PDE11A: variants seen among roughly 807,000 people sequenced by gnomAD.
The protein encoded by PDE11A is phosphodiesterase 11A, also known as dual 3',5'-cyclic-AMP and -GMP phosphodiesterase 11A.
In PDE11A, 100 loss-of-function variants were observed where a neutral mutation model predicts 100.5. The ratio of observed to expected loss-of-function variants is 1.00; its 90% confidence interval spans 0.85 to 1.18. The LOEUF (loss-of-function observed/expected upper bound fraction) is 1.18, where lower values mean the gene tolerates loss of function less well. PDE11A is among the 50% of genes most tolerant of loss of function. PDE11A has a pLI of 0.00. For missense variants in PDE11A, 1,141 were observed against 1,152.6 expected, an observed-to-expected ratio of 0.99 and a Z score of 0.15; for synonymous variants, 381 against 420.8, an observed-to-expected ratio of 0.91 and a Z score of 1.16.
At chr2:177,693,717 G>T (rs534869675) in intron 15 of PDE11A, among the ~76,000 whole-genome samples, 1 of 152,140 alleles carries the variant, frequency 6.6e-6, no homozygotes, top group Non-Finnish European at 1.5e-5. Context: ...AGGGAAGCAT[G>T]GTGATTGAAG....
chr2:177,657,671 G>C (rs959683092), intron 19 of PDE11A, among the ~76,000 whole-genome samples: 2 of 151,778 alleles, frequency 1.3e-5, no homozygotes, highest in Non-Finnish European at 2.9e-5. Context: ...AAGAGAGAGG[G>C]GAGAGAAAGC....
intron 1 of PDE11A, among the ~76,000 whole-genome samples, chr2:178,035,225 A>C (rs1353270907): frequency 6.6e-6 from 1 of 152,212 alleles, no homozygotes; most frequent in African/African-American, 2.4e-5. Flanking sequence ...AATACAAACT[A>C]CCATCAGAGA....
Position 177,973,109 on chromosome 2 carries a change from C to G in PDE11A, c.1071+41193G>C, listed in dbSNP as rs2085793617. ...TCAAGATGGCCGAATAGGAACAGCT[C>G]CGGTCTACAGCTCCCAGCGTGAGCG... On this transcript the variant is annotated intron_variant, in intron 2 of 19. Coordinates refer to ENST00000286063, the MANE Select transcript of PDE11A (RefSeq NM_016953.4). 2.6e-5 allele frequency among the ~76,000 whole-genome samples: 4 copies of G among 151,654 alleles called. No individual in the cohort carries two copies. In the South Asian group the frequency reaches 8.4e-4, roughly 32 times the overall value.
chr2:177,732,929 T>C (rs2081714674), intron 10 of PDE11A, among the ~76,000 whole-genome samples: 1 of 152,186 alleles, frequency 6.6e-6, no homozygotes, highest in South Asian at 2.1e-4. Context: ...CATCCCCACA[T>C]TGCTGGGTTC....
intron 1 of PDE11A, among the ~76,000 whole-genome samples, chr2:178,033,588 C>T (rs1451939036): frequency 6.6e-6 from 1 of 152,116 alleles, no homozygotes; most frequent in Non-Finnish European, 1.5e-5. Flanking sequence ...AACCCCAAGA[C>T]ACATAATCAT....
At chr2:177,721,271 A>G (rs1005069337) in intron 12 of PDE11A, among the ~76,000 whole-genome samples, 19 of 152,162 alleles carry the variant, frequency 1.2e-4, no homozygotes, top group African/African-American at 4.6e-4. Flanking sequence ...GTCTCTTCAC[A>G]TGCAGTGTGT....
intron 9 of PDE11A, among the ~76,000 whole-genome samples, chr2:177,789,321 T>C (rs2082592148): frequency 6.6e-6 from 1 of 152,134 alleles, no homozygotes. Context: ...AGAAAAGGCC[T>C]TTGACAAAAT....
At chr2:177,982,057 T>C (rs1448331918) in intron 2 of PDE11A, among the ~76,000 whole-genome samples, 3 of 151,080 alleles carry the variant, frequency 2.0e-5, no homozygotes, top group Admixed American at 6.6e-5. Context: ...TATCCTTACT[T>C]TGAATGGTGT....
intron 2 of PDE11A, among the ~76,000 whole-genome samples, chr2:178,081,165 A>G (rs1489185776): frequency 3.3e-5 from 5 of 152,220 alleles, no homozygotes; most frequent in Non-Finnish European, 7.3e-5. Context: ...GCTAATGAAT[A>G]TACCCTTGTG....
chr2:178,011,730 T>C (rs1389341023), intron 2 of PDE11A, among the ~76,000 whole-genome samples: 1 of 152,214 alleles, frequency 6.6e-6, no homozygotes, highest in Non-Finnish European at 1.5e-5. Context: ...AAGTCCTAAG[T>C]TCTCTTCCAA....
At chr2:177,848,840 G>A (rs771657722) in intron 5 of PDE11A, among the ~76,000 whole-genome samples, 2 of 152,136 alleles carry the variant, frequency 1.3e-5, no homozygotes, top group African/African-American at 2.4e-5. Context: ...TTGTCTGAAA[G>A]TCCTGGCTTA....
At chr2:178,103,310 A>G (rs1376583388) in intron 2 of PDE11A, among the ~76,000 whole-genome samples, 2 of 152,330 alleles carry the variant, frequency 1.3e-5, no homozygotes, top group East Asian at 3.9e-4. Context: ...ATGATCCAAT[A>G]GGCAAATCCA....
At chr2:177,946,074 G>C (rs2085421572) in intron 2 of PDE11A, among the ~76,000 whole-genome samples, 3 of 126,668 alleles carry the variant, frequency 2.4e-5, no homozygotes, top group South Asian at 2.6e-4. Flanking sequence ...CCCCCGCCTG[G>C]CCAGCCGCCC....
intron 9 of PDE11A, among the ~76,000 whole-genome samples, chr2:177,789,072 C>A (rs2082587297): frequency 6.6e-6 from 1 of 152,162 alleles, no homozygotes. Context: ...CAAAGCCGGG[C>A]AGAGACACAA....
intron 10 of PDE11A, 61 bp from the exon 11 acceptor site, chr2:177,728,233 GC>G: frequency 6.9e-7 from 1 of 1,456,436 alleles, no homozygotes. Context: ...CCCCCATCCT[GC>G]TCTCCTCCCC....
rs1222968402 is a variant in PDE11A at position 177,839,439 on chromosome 2, A to T, written c.1500+812T>A. Among the ~76,000 whole-genome samples the T allele has an allele frequency of 2.6e-5, 4 of 152,054 alleles. No homozygotes were observed. In the East Asian group the frequency reaches 7.7e-4, roughly 29 times the overall value. On this transcript the variant is annotated intron_variant, in intron 6 of 19. Coordinates refer to ENST00000286063, the MANE Select transcript of PDE11A (RefSeq NM_016953.4). The stretch of plus-strand genomic sequence containing the variant: ...AACTCTTGCTTCTCCCCCATTTAAA[A>T]CTCAATGGTTCCCCATTGCACAGAA...
At chr2:177,913,303 G>A (rs751173253) in intron 2 of PDE11A, among the ~76,000 whole-genome samples, 5 of 152,060 alleles carry the variant, frequency 3.3e-5, no homozygotes, top group Admixed American at 6.5e-5. Context: ...AGAGTAAAGC[G>A]TTGATATTGG....
chr2:177,793,500 G>A (rs1233421016), intron 9 of PDE11A, among the ~76,000 whole-genome samples: 6 of 143,310 alleles, frequency 4.2e-5, no homozygotes, highest in Admixed American at 2.2e-4. Context: ...TGGTGGATGC[G>A]AGACCTCGAT....
At chr2:177,763,792 A>G (rs1377963947) in intron 10 of PDE11A, among the ~76,000 whole-genome samples, 5 of 152,154 alleles carry the variant, frequency 3.3e-5, no homozygotes, top group Admixed American at 1.3e-4. Flanking sequence ...AGGGCTTCGG[A>G]AATTGATTGC....
Sources: gnomAD v4.1 joint callset for allele counts (sites outside exome capture counted in the v4.1 genomes callset) on GRCh38, gnomAD v4.1.1 for gene constraint, MANE v1.5 for transcripts, NCBI Gene and HGNC (gene_info 2026-07-23, HGNC 2026-07-21) for gene names.